Variants in PTK2 observed in about 807,000 individuals in gnomAD.
PTK2 encodes protein tyrosine kinase 2, also known as focal adhesion kinase 1.
A neutral mutation model predicts 150.1 loss-of-function variants in PTK2; 45 were observed. That is an observed-to-expected ratio of 0.30 (90% CI 0.24 to 0.38). The LOEUF is 0.38. PTK2 is among the 10% of genes least tolerant of loss of function. PTK2 has a pLI of 1.00. For synonymous variants in PTK2, 432 were observed against 449.2 expected (o/e 0.96, Z 0.48); for missense variants, 919 against 1,307.3 (o/e 0.70, Z 4.58).
rs1478924891 is a variant in PTK2, at chr8:140,759,286, T to C, written c.1332+1879A>G. Among the ~76,000 whole-genome samples, 3 of 152,196 alleles carry C rather than the reference T, an allele frequency of 2.0e-5. No homozygotes were observed. In the East Asian group the frequency reaches 5.8e-4, roughly 29 times the overall value. ...CGCTGCTGCTAGTAATATAAAATGG[T>C]ACAGCTGTGTTGGAAATCATTTTGG... On this transcript the variant is annotated intron_variant, in intron 16 of 31. Transcript: ENST00000522684.
intron 8 of PTK2, among the ~76,000 whole-genome samples, chr8:140,819,755 G>A (rs1450698180): frequency 1.3e-5 from 2 of 152,222 alleles, no homozygotes; most frequent in Non-Finnish European, 2.9e-5. Flanking sequence ...ATGTACCCAT[G>A]AAGGAGATAA....
intron 1 of PTK2, among the ~76,000 whole-genome samples, chr8:140,953,133 A>G (rs924038763): frequency 2.0e-5 from 3 of 152,218 alleles, no homozygotes; most frequent in African/African-American, 7.2e-5. Flanking sequence ...ATCTGAATCT[A>G]GAACCCATGA....
intron 1 of PTK2, among the ~76,000 whole-genome samples, chr8:140,959,735 G>C (rs894423375): frequency 6.6e-6 from 1 of 152,060 alleles, no homozygotes; most frequent in Non-Finnish European, 1.5e-5. Context: ...GCTCATGCCT[G>C]TAATTCTAGC....
intron 23 of PTK2, among the ~76,000 whole-genome samples, chr8:140,713,461 C>T (rs1202072987): frequency 6.6e-6 from 1 of 152,196 alleles, no homozygotes; most frequent in Admixed American, 6.5e-5. Context: ...CGGGGTTTTG[C>T]CATGTTGGCC....
chr8:140,877,190 G>A (rs1275582055), intron 4 of PTK2, among the ~76,000 whole-genome samples: 2 of 151,508 alleles, frequency 1.3e-5, no homozygotes, highest in East Asian at 1.9e-4. Context: ...CCGCCACCAC[G>A]CCTGGCTAAT....
chr8:140,665,154 C>T (rs954482140), intron 30 of PTK2, among the ~76,000 whole-genome samples, 157 bp from the exon 35 acceptor site: 8 of 152,086 alleles, frequency 5.3e-5, no homozygotes, highest in Non-Finnish European at 1.0e-4. Flanking sequence ...TTATGAGGCT[C>T]CTTTTTCTCC....
At chr8:140,698,289 T>TTA (rs1308285212) in intron 26 of PTK2, among the ~76,000 whole-genome samples, 1 of 152,132 alleles carries the variant, frequency 6.6e-6, no homozygotes, top group East Asian at 1.9e-4. Flanking sequence ...TTTGGAGAAT[T>TTA]TATAATATCT....
intron 22 of PTK2, chr8:140,718,241 A>T (rs1047752826): frequency 6.5e-6 from 1 of 153,676 alleles, no homozygotes; most frequent in Non-Finnish European, 1.5e-5. Flanking sequence ...AAAACACAAC[A>T]GTATTTACAA....
chr8:140,966,924 G>C (rs2100185518), intron 1 of PTK2, among the ~76,000 whole-genome samples: 1 of 152,076 alleles, frequency 6.6e-6, no homozygotes, highest in Non-Finnish European at 1.5e-5. Flanking sequence ...TCACCACCTT[G>C]CTTTCAATGT....
At chr8:140,673,105 C>CTT (rs540402579) in intron 29 of PTK2, among the ~76,000 whole-genome samples, 15 of 144,564 alleles carry the variant, frequency 1.0e-4, no homozygotes, top group East Asian at 8.1e-4. Context: ...AAGATGCATC[C>CTT]TTTTTTTTTT....
intron 8 of PTK2, among the ~76,000 whole-genome samples, chr8:140,822,870 T>C (rs753120619): frequency 9.9e-5 from 15 of 152,210 alleles, no homozygotes; most frequent in Non-Finnish European, 1.9e-4. Flanking sequence ...ACAGATAATA[T>C]GGATGAATAA....
At chr8:140,677,963 T>C (rs1450736929) in intron 27 of PTK2, among the ~76,000 whole-genome samples, 1 of 151,592 alleles carries the variant, frequency 6.6e-6, no homozygotes, top group Non-Finnish European at 1.5e-5. Flanking sequence ...TAGTATATTC[T>C]GTGTTCTGTT....
At chr8:140,856,113 A>G (rs1407275590) in intron 5 of PTK2, among the ~76,000 whole-genome samples, 2 of 152,238 alleles carry the variant, frequency 1.3e-5, no homozygotes, top group Non-Finnish European at 2.9e-5. Context: ...TACCCAGAGA[A>G]GTGAACATAA....
chr8:140,824,587 G>A (rs2100110767), intron 8 of PTK2, among the ~76,000 whole-genome samples: 1 of 152,198 alleles, frequency 6.6e-6, no homozygotes, highest in African/African-American at 2.4e-5. Flanking sequence ...CAAACCTATG[G>A]TGTTCAGTGC....
chr8:140,933,929 G>T (rs1349082), intron 1 of PTK2, among the ~76,000 whole-genome samples: 107,272 of 151,564 alleles, frequency 0.71, 40,396 homozygotes, highest in Non-Finnish European at 0.85. Flanking sequence ...AGATTAAAGT[G>T]CCACACACGA....
intron 14 of PTK2, among the ~76,000 whole-genome samples, chr8:140,784,066 G>A (rs1245184522): frequency 6.6e-6 from 1 of 152,210 alleles, no homozygotes; most frequent in Admixed American, 6.5e-5. Context: ...GGGAGGCAGA[G>A]GCAGAGGCAG....
At chr8:140,871,601 T>A (rs1380360895) in intron 4 of PTK2, among the ~76,000 whole-genome samples, 1 of 152,156 alleles carries the variant, frequency 6.6e-6, no homozygotes, top group African/African-American at 2.4e-5. Context: ...GAGCTTGAGA[T>A]CAGCCTGGGT....
chr8:140,854,047 G>GC (rs2100131021), intron 5 of PTK2, among the ~76,000 whole-genome samples: 1 of 152,186 alleles, frequency 6.6e-6, no homozygotes, highest in Non-Finnish European at 1.5e-5. Context: ...AAATAAGTAT[G>GC]CCCTGGCACC....
At chr8:140,797,124 G>T (rs1008542499) in intron 12 of PTK2, among the ~76,000 whole-genome samples, 1 of 104,714 alleles carries the variant, frequency 9.5e-6, no homozygotes, top group Non-Finnish European at 1.8e-5. Flanking sequence ...AATTTACAAT[G>T]ACACAATCAT....
Sources: allele counts gnomAD v4.1 joint callset (sites outside exome capture counted in the v4.1 genomes callset), GRCh38; gene constraint gnomAD v4.1.1; transcripts MANE v1.5; gene names NCBI Gene and HGNC (gene_info 2026-07-23, HGNC 2026-07-21).